Variants in GARRE1 observed in about 807,000 individuals in gnomAD.
GARRE1 encodes granule associated Rac and RHOG effector protein 1.
A neutral mutation model predicts 103.2 loss-of-function variants in GARRE1; 49 were observed. The ratio of observed to expected loss-of-function variants is 0.47; its 90% CI spans 0.38 to 0.60. The LOEUF is 0.60. Among genes scored for constraint, GARRE1 ranks in the 20% least tolerant of loss-of-function variants. The pLI, the probability that GARRE1 is intolerant of heterozygous loss-of-function variation, is 0.00. For missense variants in GARRE1, 1,199 were observed against 1,370.5 expected (o/e 0.87, Z 1.98); for synonymous variants, 505 against 532.8 (o/e 0.95, Z 0.72).
intron 1 of GARRE1, among the ~76,000 whole-genome samples, chr19:34,266,481 C>A (rs1187149951): frequency 6.6e-6 from 1 of 152,172 alleles, no homozygotes; most frequent in Non-Finnish European, 1.5e-5. Context: ...CCTGCCTCAG[C>A]CTCCTGAGTA....
chr19:34,295,530 T>C (rs1441964549), intron 1 of GARRE1, among the ~76,000 whole-genome samples: 2 of 151,784 alleles, frequency 1.3e-5, no homozygotes, highest in African/African-American at 4.8e-5. Context: ...TTGTTTTGTT[T>C]TGTTTTGTTT....
rs781624765 is a variant in GARRE1, at chr19:34,342,275, A to C, written c.2341A>C (p.Ile781Leu). The change falls in exon 10 of 14, where the codon ATA becomes CTA. Residue 781 changes from isoleucine (I) to leucine (L), a missense_variant. By Grantham distance (5) the Ile-to-Leu change is conservative (BLOSUM62 2). Transcript: ENST00000299505. ...GTCTCCTCTTGGTCAGTGGCCTGGC[A>C]TATCTGATCTCAGTTCTGACTTGTA... Reference protein sequence around the residue: ...GLSPLGQWPGISDLSSDLYSL... With the variant: ...GLSPLGQWPGLSDLSSDLYSL... The C allele has an allele frequency of 1.4e-5, 23 of 1,614,102 alleles. No individual in the cohort carries two copies. The highest frequency in any genetic ancestry group is 1.9e-5 in the Non-Finnish European group (23 of 1,180,048).
At chr19:34,349,436 C>G (rs1311017328) in intron 12 of GARRE1, among the ~76,000 whole-genome samples, 1 of 152,156 alleles carries the variant, frequency 6.6e-6, no homozygotes, top group Non-Finnish European at 1.5e-5. Flanking sequence ...GAAGAGCAGG[C>G]CTTTGGTTGC....
intron 1 of GARRE1, among the ~76,000 whole-genome samples, chr19:34,290,907 T>C (rs2073914209): frequency 8.7e-5 from 2 of 22,936 alleles, no homozygotes; most frequent in African/African-American, 2.1e-4. Flanking sequence ...TTTTTTTTTT[T>C]TTTTTTTTTT....
intron 2 of GARRE1, among the ~76,000 whole-genome samples, chr19:34,317,788 T>C (rs2074066730): frequency 6.6e-6 from 1 of 152,224 alleles, no homozygotes; most frequent in African/African-American, 2.4e-5. Flanking sequence ...TGGGATTGAA[T>C]GCGCTAGCCC....
Position 34,274,253 on chromosome 19 carries a change from A to C in GARRE1, c.-796+19639A>C, listed in dbSNP as rs112662278. On this transcript the variant is annotated intron_variant, in intron 1 of 13. Transcript: ENST00000299505. Reference sequence around the variant, plus strand: ...AAACCCCGTCTGTACTAAAAATACAAAATTAGCCGGGTGTTGTGGTGTATG... The same window carrying C: ...AAACCCCGTCTGTACTAAAAATACACAATTAGCCGGGTGTTGTGGTGTATG... Among the ~76,000 whole-genome samples the C allele has an allele frequency of 7.6e-3, 1,149 of 152,166 alleles. 18 individuals carry two copies. Among genetic ancestry groups the C allele is most frequent in the African/African-American group, 0.026 (1,077 of 41,516 alleles).
chr19:34,304,374 AT>A (rs1227745814), intron 2 of GARRE1, among the ~76,000 whole-genome samples: 499 of 113,656 alleles, frequency 4.4e-3, no homozygotes, highest in Non-Finnish European at 4.6e-3. Context: ...CATCTTTGTA[AT>A]TTTTTTTTTT....
At position 34,349,130 on chromosome 19, in the gene GARRE1, C is replaced by T. The variant is rs760299007; in HGVS notation, c.2802C>T (p.Leu934=). The change falls in exon 12 of 14, where the codon CTC becomes CTT. Residue 934 remains leucine, a synonymous_variant. Coordinates refer to ENST00000299505, the MANE Select transcript of GARRE1 (RefSeq NM_014686.5). ...TCTCCATGTTTTCAGGGCCTGACCT[C>T]GTTGCTGCTGTCAAGCAGAGAAGGT... ...SLFSMFSGPD[L]VAAVKQRRKH... 10 of 1,612,600 alleles carry T rather than the reference C, an allele frequency of 6.2e-6. No individual in the cohort carries two copies. Among genetic ancestry groups the T allele is most frequent in the South Asian group, 2.2e-5 (2 of 91,074 alleles).
rs1030215456 is a variant in GARRE1 at position 34,343,509 on chromosome 19, G to A, written c.2521+1054G>A. 3.9e-5 allele frequency among the ~76,000 whole-genome samples: 6 copies of A among 152,232 alleles called. No individual in the cohort carries two copies. In the South Asian group the frequency reaches 8.3e-4, roughly 21 times the overall value. ...ACATTTGGAAATTCAGCAGAAAATG[G>A]ATTCTTTCCTAGCAAAATAGGCATT... On this transcript the variant is annotated intron_variant, in intron 10 of 13. Transcript: ENST00000299505.
At chr19:34,325,851 AC>A (rs1420656090) in intron 3 of GARRE1, among the ~76,000 whole-genome samples, 4 of 151,860 alleles carry the variant, frequency 2.6e-5, no homozygotes, top group Non-Finnish European at 4.4e-5. Context: ...TGTTTCACGG[AC>A]CCGTCTGTAG....
At chr19:34,277,941 T>A (rs1279646118) in intron 1 of GARRE1, among the ~76,000 whole-genome samples, 1 of 120,660 alleles carries the variant, frequency 8.3e-6, no homozygotes, top group Non-Finnish European at 1.6e-5. Flanking sequence ...GAACAATAGC[T>A]TGGTGCCTTA....
chr19:34,298,397 C>G (rs8110966), intron 1 of GARRE1, among the ~76,000 whole-genome samples: 116,761 of 149,678 alleles, frequency 0.78, 45,920 homozygotes, highest in African/African-American at 0.83. Context: ...CTGGGTAACA[C>G]AGTGAGACTC....
At chr19:34,285,162 A>G (rs771903152) in intron 1 of GARRE1, 1 of 152,186 alleles carries the variant, frequency 6.6e-6, no homozygotes, top group Non-Finnish European at 1.5e-5. Context: ...ATGTTCAATC[A>G]TATACAACAT....
intron 2 of GARRE1, among the ~76,000 whole-genome samples, chr19:34,305,929 G>A (rs73580732): frequency 0.019 from 2,870 of 152,246 alleles, 98 homozygotes; most frequent in African/African-American, 0.065. Context: ...CAATTTATGC[G>A]TCTATTCTGA....
At position 34,328,002 on chromosome 19, in the gene GARRE1, G is replaced by A. The variant is rs773559375; in HGVS notation, c.955G>A (p.Glu319Lys). The change falls in exon 6 of 14, where the codon GAG becomes AAG. Residue 319 changes from glutamate (E) to lysine (K), a missense_variant. Glu to Lys is a moderately conservative substitution (Grantham distance 56). Transcript: ENST00000299505. ...IEASLQGCCS[E>K]AEAQQTGRRQ... ...ATGCCTTTTCCAGGGCTGCTGCAGCGAGGCGGAAGCCCAGCAGACGGGGCG... is the reference window on the plus strand; with the variant it reads ...ATGCCTTTTCCAGGGCTGCTGCAGCAAGGCGGAAGCCCAGCAGACGGGGCG... 2.5e-6 allele frequency: 4 copies of A among 1,614,120 alleles called. No individual in the cohort carries two copies. Among genetic ancestry groups the A allele is most frequent in the South Asian group, 2.2e-5 (2 of 91,078 alleles).
In GARRE1 at chr19:34,254,985, G is replaced by A. The variant is rs549485751; in HGVS notation, c.-796+371G>A. ...CCGGGGCCCGGGAGGTCGCGCTGGC[G>A]CCAGGACCCGCTCCCGGAAGCCCGC... On this transcript the variant is annotated intron_variant, in intron 1 of 13. Transcript: ENST00000299505. Among the ~76,000 whole-genome samples, 40 of 151,834 alleles carry A rather than the reference G, an allele frequency of 2.6e-4. No homozygotes were observed. The South Asian group carries it at 4.1e-3, about 16-fold the overall frequency.
chr19:34,284,416 T>C (rs960205723), intron 1 of GARRE1, among the ~76,000 whole-genome samples: 1 of 152,146 alleles, frequency 6.6e-6, no homozygotes, highest in African/African-American at 2.4e-5. Context: ...TGAGCCACCA[T>C]GTCTGGCCTT....
Position 34,342,146 on chromosome 19 carries a change from C to T in GARRE1, c.2212C>T (p.Leu738Phe). 14 of 1,614,176 alleles carry T rather than the reference C, an allele frequency of 8.7e-6. No homozygotes were observed. The highest frequency in any genetic ancestry group is 1.2e-5 in the Non-Finnish European group (14 of 1,180,004). ...TCAAGTCCAATACTACCAACACCTA[C>T]TCCAGCCCATTGGACCGCAGCAGCC... ...QPQVQYYQHL[L>F]QPIGPQQPPP... Residue 738 changes from leucine (L) to phenylalanine (F), a missense_variant, in exon 10 of 14, where the codon CTC (leucine) becomes TTC (phenylalanine). Transcript: ENST00000299505.
chr19:34,325,609 C>A (rs145265038), intron 3 of GARRE1, among the ~76,000 whole-genome samples: 1 of 152,220 alleles, frequency 6.6e-6, no homozygotes, highest in African/African-American at 2.4e-5. Context: ...TACCCTTGTT[C>A]AGGGAATCGT....
Sources: allele counts gnomAD v4.1 joint callset (sites outside exome capture counted in the v4.1 genomes callset), GRCh38; gene constraint gnomAD v4.1.1; transcripts MANE v1.5; gene names NCBI Gene and HGNC (gene_info 2026-07-23, HGNC 2026-07-21).